ERBB2: variants seen among roughly 807,000 people sequenced by gnomAD.
ERBB2 encodes the protein erb-b2 receptor tyrosine kinase 2, also known as receptor tyrosine-protein kinase erbB-2.
Under a neutral mutation model 149.0 loss-of-function variants are expected in ERBB2, and 61 were observed. The observed-to-expected ratio is 0.41, with a 90% CI of 0.33 to 0.51. The LOEUF (loss-of-function observed/expected upper bound fraction) is 0.51, where lower values mean the gene tolerates loss of function less well. Ranked by LOEUF, ERBB2 falls within the 20% of genes least tolerant of loss-of-function variation. The pLI is 0.25. For synonymous variants in ERBB2, 633 were observed against 678.8 expected (o/e 0.93, Z 1.05); for missense variants, 1,205 against 1,655.1 (o/e 0.73, Z 4.72).
At chr17:39,691,020 G>A (rs1267351042), upstream of ERBB2, among the ~76,000 whole-genome samples, 2 of 146,248 alleles carry the variant, frequency 1.4e-5, no homozygotes, top group African/African-American at 5.1e-5. Context: ...TGGGCAACAA[G>A]AGCAAAACTC....
upstream of ERBB2, among the ~76,000 whole-genome samples, chr17:39,697,562 G>A (rs2057896388): frequency 6.6e-6 from 1 of 151,816 alleles, no homozygotes; most frequent in South Asian, 2.1e-4. Flanking sequence ...CTCCATGTTG[G>A]TCAGGCTGGT....
intron 9 of ERBB2, among the ~76,000 whole-genome samples, 196 bp downstream of exon 9, chr17:39,712,644 G>T (rs118072187): frequency 1.3e-5 from 2 of 152,166 alleles, no homozygotes; most frequent in African/African-American, 4.8e-5. Flanking sequence ...CATGCTATCC[G>T]TGAACAAGGA....
chr17:39,699,692 T>C, upstream of ERBB2: 1 of 783,246 alleles, frequency 1.3e-6, no homozygotes. Flanking sequence ...TGGAGTAGGA[T>C]GCAAGCTCCC....
At chr17:39,702,998 G>A (rs1447584931) in intron 1 of ERBB2, among the ~76,000 whole-genome samples, 1 of 152,238 alleles carries the variant, frequency 6.6e-6, no homozygotes, top group Non-Finnish European at 1.5e-5. Context: ...GAGGAGAAGC[G>A]CTCCTCTTGT....
rs372043866 is a variant in ERBB2, at chr17:39,727,965, G to A, written c.3689G>A (p.Arg1230Gln). The change falls in exon 27 of 27, where the codon CGG (arginine) becomes CAG (glutamine). Residue 1230 changes from arginine to glutamine, a missense_variant. Around this residue, in one of 6 missense-constraint regions of ERBB2, gnomAD observed 312 missense variants for 343.8 expected, o/e 0.91. Transcript: ENST00000269571. This position sits in a 1 kb window ranked among gnomAD's most constrained non-coding sequence, Gnocchi z 4.3. Reference sequence around the variant, plus strand: ...TACTGGGACCAGGACCCACCAGAGCGGGGGGCTCCACCCAGCACCTTCAAA... The same window carrying A: ...TACTGGGACCAGGACCCACCAGAGCAGGGGGCTCCACCCAGCACCTTCAAA... ...LYYWDQDPPE[R>Q]GAPPSTFKGT... is the part of the protein sequence containing the mutation. 1.4e-5 allele frequency: 23 copies of A among 1,613,582 alleles called. No homozygotes were observed. Among genetic ancestry groups the A allele is most frequent in the Middle Eastern group, 1.6e-4 (1 of 6,082 alleles).
intron 9 of ERBB2, 122 bp from the exon 10 acceptor site, chr17:39,715,164 G>A (rs1361101590): frequency 2.6e-6 from 2 of 765,444 alleles, no homozygotes; most frequent in Admixed American, 4.2e-5. Context: ...GGAACAGCTG[G>A]GCTCGATGGG....
At chr17:39,694,186 T>A (rs2057773399), upstream of ERBB2, among the ~76,000 whole-genome samples, 1 of 88,022 alleles carries the variant, frequency 1.1e-5, no homozygotes, top group African/African-American at 4.8e-5. Flanking sequence ...AGTGAGACTC[T>A]GTCTCAGAAA....
intron 16 of ERBB2, among the ~76,000 whole-genome samples, chr17:39,721,159 G>A (rs2952157): frequency 0.66 from 99,825 of 151,622 alleles, 33,172 homozygotes; most frequent in South Asian, 0.73. Context: ...TATGTTGCCC[G>A]AGCTGGTCTC....
Position 39,725,916 on chromosome 17 carries a change from A to C in ERBB2, c.2872+63A>C, listed in dbSNP as rs902273699. 4.4e-6 allele frequency: 7 copies of C among 1,576,986 alleles called. No individual in the cohort carries two copies. In the Admixed American group the frequency reaches 5.4e-5, roughly 12 times the overall value. ...TGGGAGGTCCTGGGTGGAGGAGCCC[A>C]CAAGGGGCATGAAAGGGGACCAGGA... On this transcript the variant is annotated intron_variant, in intron 23 of 26. Coordinates refer to ENST00000269571, the MANE Select transcript of ERBB2 (RefSeq NM_004448.4). The surrounding 1 kb of genome is among the most constrained non-coding windows in gnomAD (Gnocchi z 4.6).
chr17:39,721,520 TGCCTCG>T (rs1315207533), intron 16 of ERBB2, among the ~76,000 whole-genome samples: 2 of 151,936 alleles, frequency 1.3e-5, no homozygotes, highest in African/African-American at 4.8e-5. Flanking sequence ...GTGATCCACC[TGCCTCG>T]GCCTCCCAAA....
rs765068793 is a variant in ERBB2 at position 39,727,649 on chromosome 17, G to T, written c.3413-40G>T. 11 of 1,548,652 alleles carry T rather than the reference G, an allele frequency of 7.1e-6. No individual in the cohort carries two copies. The highest frequency in any genetic ancestry group is 9.6e-6 in the Non-Finnish European group (11 of 1,149,894). On this transcript the variant is annotated intron_variant, in intron 26 of 26. Transcript: ENST00000269571. This position sits in a 1 kb window ranked among gnomAD's most constrained non-coding sequence, Gnocchi z 4.3. ...CAGAGGGAGTGGCAGAGACACCGGG[G>T]TTCCTTCCCCTAATGGGTCACCTTC... is the stretch of plus-strand genomic sequence containing the variant.
chr17:39,718,801 A>G (rs2059292119), intron 15 of ERBB2, among the ~76,000 whole-genome samples: 1 of 151,940 alleles, frequency 6.6e-6, no homozygotes, highest in African/African-American at 2.4e-5. Flanking sequence ...TTTGAGGGAT[A>G]TTGAGCTTGT....
At chr17:39,698,333 C>T (rs1415152057), upstream of ERBB2, among the ~76,000 whole-genome samples, 4 of 151,464 alleles carry the variant, frequency 2.6e-5, no homozygotes, top group African/African-American at 7.3e-5. Flanking sequence ...AATCTCAGCT[C>T]ACTGCAAGCT....
rs2059864010 is a variant in ERBB2 at position 39,727,810 on chromosome 17, T to C, written c.3534T>C (p.Asn1178=). 1 of 1,613,482 alleles carries C rather than the reference T, an allele frequency of 6.2e-7. No individual in the cohort carries two copies. Among genetic ancestry groups the C allele is most frequent in the South Asian group, 1.1e-5 (1 of 91,036 alleles). The change falls in exon 27 of 27, where the codon AAT becomes AAC. Residue 1178 remains asparagine (N), a synonymous_variant. Coordinates refer to ENST00000269571, the MANE Select transcript of ERBB2 (RefSeq NM_004448.4). This position sits in a 1 kb window ranked among gnomAD's most constrained non-coding sequence, Gnocchi z 4.3. ...ERPKTLSPGK[N]GVVKDVFAFG... is the part of the protein sequence containing the mutation. ...CCAAGACTCTCTCCCCAGGGAAGAA[T>C]GGGGTCGTCAAAGACGTTTTTGCCT...
chr17:39,711,856 G>A (rs779672141), intron 7 of ERBB2, 72 bp from the exon 8 acceptor site: 330 of 1,589,182 alleles, frequency 2.1e-4, no homozygotes, highest in Non-Finnish European at 2.7e-4. Flanking sequence ...CTTGTGCCTG[G>A]GCACGGTAAT....
chr17:39,726,654 A>G lies in ERBB2; in HGVS notation c.2965A>G (p.Ile989Val), dbSNP rs202110098. ...MARDPQRFVV[I>V]QNEDLGPASP... ...CAGGGACCCCCAGCGCTTTGTGGTCATCCAGGTACTGGGCCTCTGTGCCCC... is the reference window on the plus strand; with the variant it reads ...CAGGGACCCCCAGCGCTTTGTGGTCGTCCAGGTACTGGGCCTCTGTGCCCC... The change falls in exon 24 of 27, where the codon ATC (isoleucine) becomes GTC (valine). Residue 989 changes from isoleucine (I) to valine (V), a missense_variant. Transcript: ENST00000269571. This position sits in a 1 kb window ranked among gnomAD's most constrained non-coding sequence, Gnocchi z 5.1. 9 of 1,614,080 alleles carry G rather than the reference A, an allele frequency of 5.6e-6. No individual in the cohort carries two copies. In the East Asian group the frequency reaches 1.8e-4, roughly 32 times the overall value.
exon 1 of ERBB2, chr17:39,688,156 G>C: frequency 1.3e-6 from 1 of 797,360 alleles, no homozygotes; most frequent in Non-Finnish European, 1.7e-6. Context: ...GGATTTTTGT[G>C]GGCGCCTGCC....
intron 1 of ERBB2, among the ~76,000 whole-genome samples, chr17:39,700,635 C>T (rs554587521): frequency 1.1e-4 from 17 of 152,188 alleles, no homozygotes; most frequent in Admixed American, 9.2e-4. Flanking sequence ...AGCGCGCGCG[C>T]GCGTTTCCCC....
At chr17:39,717,790 A>AC in intron 15 of ERBB2, 1 of 171,214 alleles carries the variant, frequency 5.8e-6, no homozygotes, top group Non-Finnish European at 1.2e-5. Context: ...TGCACATTTT[A>AC]ACACACACAC....
Sources: allele counts gnomAD v4.1 joint callset (sites outside exome capture counted in the v4.1 genomes callset), GRCh38; gene constraint gnomAD v4.1.1; regional missense constraint gnomAD v4.1.1; non-coding constraint Gnocchi (gnomAD v3.1); transcripts MANE v1.5; gene names NCBI Gene and HGNC (gene_info 2026-07-23, HGNC 2026-07-21).